ACACA: variants seen among roughly 807,000 people sequenced by gnomAD.
The protein encoded by ACACA is acetyl-CoA carboxylase 1.
Under a neutral mutation model 296.1 loss-of-function variants are expected in ACACA, and 103 were observed. That is an observed-to-expected ratio of 0.35 (90% CI 0.30 to 0.41). ACACA has a LOEUF of 0.41. Among genes scored for constraint, ACACA ranks in the 10% least tolerant of loss-of-function variants. The pLI is 1.00. For synonymous variants in ACACA, 953 were observed against 1,038.6 expected (o/e 0.92, Z 1.58); for missense variants, 1,554 against 2,989.7 (o/e 0.52, Z 11.20).
chr17:37,269,485 C>T (rs1391781311), intron 10 of ACACA, among the ~76,000 whole-genome samples: 4 of 152,168 alleles, frequency 2.6e-5, no homozygotes, highest in African/African-American at 9.7e-5. Flanking sequence ...TCTTCTAACA[C>T]AAAGCCTATA....
At chr17:37,225,809 G>C (rs2079520077) in intron 26 of ACACA, among the ~76,000 whole-genome samples, 1 of 152,184 alleles carries the variant, frequency 6.6e-6, no homozygotes. Context: ...AAACACAAAG[G>C]GAGTGCCAAC....
At chr17:37,280,140 C>G (rs913211770) in intron 5 of ACACA, among the ~76,000 whole-genome samples, 1 of 151,952 alleles carries the variant, frequency 6.6e-6, no homozygotes, top group Non-Finnish European at 1.5e-5. Flanking sequence ...TTATCAATGT[C>G]TTCAATTTTG....
At chr17:37,220,272 T>C (rs2079222022) in intron 29 of ACACA, among the ~76,000 whole-genome samples, 1 of 151,728 alleles carries the variant, frequency 6.6e-6, no homozygotes, top group Non-Finnish European at 1.5e-5. Flanking sequence ...TAAAAAAAAG[T>C]AGGACAGGGA....
intron 2 of ACACA, among the ~76,000 whole-genome samples, chr17:37,334,649 C>G (rs1035887982): frequency 6.6e-6 from 1 of 152,110 alleles, no homozygotes; most frequent in Non-Finnish European, 1.5e-5. Context: ...GGGAAAGTAA[C>G]TAAAATCGTA....
At chr17:37,221,225 C>T (rs2079273048) in intron 29 of ACACA, among the ~76,000 whole-genome samples, 1 of 152,156 alleles carries the variant, frequency 6.6e-6, no homozygotes, top group East Asian at 1.9e-4. Flanking sequence ...TTTGGTTCTG[C>T]AATGTAATTT....
rs1415422393 is a variant in ACACA at position 37,406,798 on chromosome 17, A to G, written c.-499T>C. ...AAGAGGGCGGTGGCGGGCGCTCAGC[A>G]CCCGGCGGGGGCCTCCACGGCCGAG... On this transcript the variant is annotated 5_prime_UTR_variant, in exon 1 of 56. Transcript: ENST00000616317. 1 of 149,492 alleles carries G rather than the reference A, an allele frequency of 6.7e-6. No individual in the cohort carries two copies. The highest frequency in any genetic ancestry group is 2.5e-5 in the African/African-American group (1 of 40,688). The allele number at this position is 149,492 out of a possible 1,614,324, so 9.3% of individuals were successfully genotyped here.
intron 1 of ACACA, among the ~76,000 whole-genome samples, chr17:37,384,222 A>G (rs536115763): frequency 3.3e-5 from 5 of 152,338 alleles, no homozygotes; most frequent in African/African-American, 1.2e-4. Flanking sequence ...AGTAAAATAG[A>G]AATTTGGAAC....
At chr17:37,216,225 T>TA (rs2078993950) in intron 29 of ACACA, among the ~76,000 whole-genome samples, 1 of 151,018 alleles carries the variant, frequency 6.6e-6, no homozygotes, top group Non-Finnish European at 1.5e-5. Flanking sequence ...TATATATATA[T>TA]ATGTTTCTAA....
In ACACA at chr17:37,181,335, C is replaced by T; in HGVS notation, c.4798G>A (p.Asp1600Asn). 1.2e-6 allele frequency: 2 copies of T among 1,613,910 alleles called. No homozygotes were observed. The highest frequency in any genetic ancestry group is 1.7e-6 in the Non-Finnish European group (2 of 1,180,008). ...ATTCCATGCAGTGGTCCCTGTTTGT[C>T]TCCATATGCCTGAAACATGATCTGC... ...TAQIMFQAYG[D>N]KQGPLHGMLI... is the part of the protein sequence containing the mutation. The change falls in exon 40 of 56, where the codon GAC becomes AAC. Residue 1600 changes from aspartate (D) to asparagine (N), a missense_variant. Asp to Asn is a conservative substitution (Grantham distance 23, BLOSUM62 1). This residue lies in a region of ACACA where 553 missense variants were observed against 1,043.6 expected (regional missense o/e 0.53). Coordinates refer to ENST00000616317, the MANE Select transcript of ACACA (RefSeq NM_198834.3).
intron 1 of ACACA, among the ~76,000 whole-genome samples, chr17:37,374,777 T>C (rs766520002): frequency 6.6e-6 from 1 of 152,222 alleles, no homozygotes; most frequent in Admixed American, 6.5e-5. Flanking sequence ...CTCAGCCCAA[T>C]GGTCATCAGA....
intron 3 of ACACA, among the ~76,000 whole-genome samples, chr17:37,318,823 A>C (rs2047212889): frequency 6.6e-6 from 1 of 152,312 alleles, no homozygotes; most frequent in Non-Finnish European, 1.5e-5. Context: ...AGTCATTTCA[A>C]ACTCAAGGAG....
intron 1 of ACACA, among the ~76,000 whole-genome samples, chr17:37,341,057 C>A (rs1349126353): frequency 6.6e-6 from 1 of 152,096 alleles, no homozygotes; most frequent in African/African-American, 2.4e-5. Flanking sequence ...GGCAACATAG[C>A]AAGACCCCCA....
chr17:37,248,920 T>C lies in ACACA; in HGVS notation c.2082-246A>G, dbSNP rs193106394. On this transcript the variant is annotated intron_variant, in intron 16 of 55. Transcript: ENST00000616317. ...AACCATTACAAAATGCACAGTTCTATAGTGTTGGGGATATTAACACTATTC... is the reference window on the plus strand; with the variant it reads ...AACCATTACAAAATGCACAGTTCTACAGTGTTGGGGATATTAACACTATTC... 7.8e-3 allele frequency among the ~76,000 whole-genome samples: 1,184 copies of C among 152,302 alleles called. 13 individuals are homozygous for C. Among genetic ancestry groups the C allele is most frequent in the African/African-American group, 0.027 (1,119 of 41,534 alleles).
At chr17:37,174,103 C>T (rs1292288069) in intron 41 of ACACA, among the ~76,000 whole-genome samples, 2 of 138,458 alleles carry the variant, frequency 1.4e-5, no homozygotes, top group African/African-American at 2.7e-5. Context: ...TCAAGTGATC[C>T]GCCGACCTTG....
At chr17:37,183,598 G>C (rs967752987) in intron 39 of ACACA, among the ~76,000 whole-genome samples, 3 of 151,996 alleles carry the variant, frequency 2.0e-5, no homozygotes, top group Admixed American at 2.0e-4. Context: ...GGAGGCCAAA[G>C]CAGGCAGATC....
At chr17:37,299,751 T>C (rs2083530201) in intron 3 of ACACA, 2 of 999,722 alleles carry the variant, frequency 2.0e-6, no homozygotes, top group African/African-American at 3.5e-5. Context: ...AAAGCTCCAC[T>C]GCCTCTCCTG....
At chr17:37,102,605 A>C (rs965931739) in intron 52 of ACACA, among the ~76,000 whole-genome samples, 1 of 152,196 alleles carries the variant, frequency 6.6e-6, no homozygotes, top group Non-Finnish European at 1.5e-5. Context: ...TGGCAAGCAG[A>C]TATCCTGCAG....
chr17:37,210,449 A>C lies in ACACA; in HGVS notation c.3707+18T>G. ...ATAAAGGTGCTTTTAATTGGAAAAG[A>C]AACTAAACATACGGTACCTGTTTAG... On this transcript the variant is annotated intron_variant, in intron 30 of 55. Transcript: ENST00000616317. 6.2e-7 allele frequency: 1 copy of C among 1,610,634 alleles called. No individual in the cohort carries two copies. Among genetic ancestry groups the C allele is most frequent in the Non-Finnish European group, 8.5e-7 (1 of 1,177,032 alleles).
At chr17:37,386,808 C>T (rs990670734) in intron 1 of ACACA, 2 of 152,120 alleles carry the variant, frequency 1.3e-5, no homozygotes, top group Non-Finnish European at 2.9e-5. Flanking sequence ...TGACACCAAC[C>T]AAGTGCTTTT....
Sources: allele counts gnomAD v4.1 joint callset (sites outside exome capture counted in the v4.1 genomes callset), GRCh38; gene constraint gnomAD v4.1.1; regional missense constraint gnomAD v4.1.1; transcripts MANE v1.5; gene names NCBI Gene and HGNC (gene_info 2026-07-23, HGNC 2026-07-21).